FNDC3A: variants seen among roughly 807,000 people sequenced by gnomAD.
FNDC3A encodes the protein fibronectin type-III domain-containing protein 3A.
FNDC3A carries 32 observed loss-of-function variants against 148.9 expected under a neutral mutation model. The observed-to-expected ratio is 0.21, with a 90% CI of 0.16 to 0.29. FNDC3A has a LOEUF of 0.29. Ranked by LOEUF, FNDC3A falls within the 10% of genes least tolerant of loss-of-function variation. The probability of loss-of-function intolerance (pLI) is 1.00; values close to 1 mark genes in which losing one functional copy is unlikely to be tolerated. For synonymous variants in FNDC3A, 472 were observed against 473.6 expected, an observed-to-expected ratio of 1.00 and a Z score of 0.04; for missense variants, 1,191 against 1,452.8, an observed-to-expected ratio of 0.82 and a Z score of 2.93.
intron 1 of FNDC3A, among the ~76,000 whole-genome samples, chr13:48,981,083 A>G (rs898293254): frequency 1.3e-5 from 2 of 152,186 alleles, no homozygotes; most frequent in Non-Finnish European, 2.9e-5. Context: ...TTTGATTTAA[A>G]TAACAGCCTT....
chr13:49,013,285 A>G (rs758932305), intron 2 of FNDC3A, among the ~76,000 whole-genome samples: 1 of 152,176 alleles, frequency 6.6e-6, no homozygotes, highest in Non-Finnish European at 1.5e-5. Flanking sequence ...ACTGTGTTCC[A>G]GTCTGGGCAA....
At chr13:49,135,696 A>G (rs1882315757) in intron 5 of FNDC3A, among the ~76,000 whole-genome samples, 1 of 152,190 alleles carries the variant, frequency 6.6e-6, no homozygotes, top group Admixed American at 6.5e-5. Flanking sequence ...TCTGGGGACA[A>G]TTGAATTAAT....
At chr13:49,035,378 C>A (rs1392902385) in intron 2 of FNDC3A, among the ~76,000 whole-genome samples, 1 of 151,794 alleles carries the variant, frequency 6.6e-6, no homozygotes, top group Non-Finnish European at 1.5e-5. Context: ...TGGGATAATA[C>A]CTCATTATAT....
chr13:49,055,923 A>T (rs1423592157), intron 2 of FNDC3A, among the ~76,000 whole-genome samples: 1 of 152,130 alleles, frequency 6.6e-6, no homozygotes, highest in Non-Finnish European at 1.5e-5. Flanking sequence ...GTGGTGGCTC[A>T]CACCTGTAAT....
intron 3 of FNDC3A, among the ~76,000 whole-genome samples, chr13:49,102,264 C>T (rs1227921494): frequency 6.6e-6 from 1 of 151,842 alleles, no homozygotes; most frequent in African/African-American, 2.4e-5. Flanking sequence ...TCTTAAATCA[C>T]CTTAAATTGT....
intron 1 of FNDC3A, among the ~76,000 whole-genome samples, chr13:48,992,157 CT>C (rs1304090753): frequency 2.1e-4 from 32 of 152,130 alleles, no homozygotes; most frequent in African/African-American, 7.2e-4. Context: ...TTCAATACCC[CT>C]CTCAATGGAA....
At chr13:49,185,040 G>C (rs1885495785) in intron 14 of FNDC3A, among the ~76,000 whole-genome samples, 1 of 152,008 alleles carries the variant, frequency 6.6e-6, no homozygotes, top group Non-Finnish European at 1.5e-5. Flanking sequence ...CTTTTGACTT[G>C]AGCAACTAGG....
At position 49,155,205 on chromosome 13, in the gene FNDC3A, T is replaced by C. The variant is rs1330628968; in HGVS notation, c.977+9270T>C. Among the ~76,000 whole-genome samples, 40 of 152,116 alleles carry C rather than the reference T, an allele frequency of 2.6e-4. 1 individual carries two copies. Among genetic ancestry groups the C allele is most frequent in the Non-Finnish European group, 1.2e-4 (8 of 68,036 alleles). On this transcript the variant is annotated intron_variant, in intron 8 of 25. Transcript: ENST00000492622. ...TCGCCACAATTTCAGCTCCTGTTATTGGTCTATTCAGGGATTCACCTTCTT... is the reference window on the plus strand; with the variant it reads ...TCGCCACAATTTCAGCTCCTGTTATCGGTCTATTCAGGGATTCACCTTCTT...
chr13:49,017,697 C>T lies in FNDC3A; in HGVS notation c.99+11408C>T, dbSNP rs1221567180. Among the ~76,000 whole-genome samples, 30 of 151,994 alleles carry T rather than the reference C, an allele frequency of 2.0e-4. No homozygotes were observed. In the East Asian group the frequency reaches 3.5e-3, roughly 18 times the overall value. On this transcript the variant is annotated intron_variant, in intron 2 of 25. Coordinates refer to ENST00000492622, the MANE Select transcript of FNDC3A (RefSeq NM_001079673.2). ...AGTTCATGCAGTTTCTTCCTATTCT[C>T]GATGGTCTTTACATTTTGGCATGAT...
At chr13:49,006,735 A>T (rs1404256025) in intron 2 of FNDC3A, among the ~76,000 whole-genome samples, 1 of 151,890 alleles carries the variant, frequency 6.6e-6, no homozygotes, top group East Asian at 1.9e-4. Context: ...TTTTTTCCCC[A>T]GCCCAGGTCT....
At chr13:49,203,856 A>G (rs1886527675) in intron 25 of FNDC3A, among the ~76,000 whole-genome samples, 1 of 152,138 alleles carries the variant, frequency 6.6e-6, no homozygotes, top group Admixed American at 6.6e-5. Flanking sequence ...GGAAGAGTTG[A>G]TAAGGTCGGA....
intron 4 of FNDC3A, 39 bp downstream of exon 4, chr13:49,114,770 A>G (rs1364032642): frequency 7.8e-7 from 1 of 1,279,762 alleles, no homozygotes. Flanking sequence ...TATTTGTATA[A>G]TAGTGATAAT....
intron 3 of FNDC3A, among the ~76,000 whole-genome samples, chr13:49,105,666 C>T (rs941035620): frequency 1.3e-5 from 2 of 152,184 alleles, no homozygotes; most frequent in Non-Finnish European, 2.9e-5. Flanking sequence ...TCCCCAAATA[C>T]GCTTCATCCA....
intron 2 of FNDC3A, chr13:49,045,789 CCTTTT>C: frequency 4.0e-6 from 1 of 251,986 alleles, no homozygotes; most frequent in South Asian, 7.3e-5. Context: ...TAATGACAGT[CCTTTT>C]TTTTTTTTTT....
intron 1 of FNDC3A, among the ~76,000 whole-genome samples, chr13:48,993,130 G>A (rs760303797): frequency 6.6e-6 from 1 of 152,056 alleles, no homozygotes; most frequent in South Asian, 2.1e-4. Flanking sequence ...TCTGTTTCTC[G>A]TTGAAGGATA....
chr13:48,984,656 T>G (rs1461598610), intron 1 of FNDC3A, among the ~76,000 whole-genome samples: 2 of 152,134 alleles, frequency 1.3e-5, no homozygotes, highest in East Asian at 3.8e-4. Context: ...AAAACTAAGT[T>G]CCAGGTGGAC....
intron 11 of FNDC3A, 44 bp from the exon 12 acceptor site, chr13:49,174,391 T>C (rs1312246198): frequency 6.0e-6 from 9 of 1,509,832 alleles, no homozygotes; most frequent in Non-Finnish European, 8.2e-6. Flanking sequence ...TTTATCTTTT[T>C]ACAGTAATGT....
intron 4 of FNDC3A, among the ~76,000 whole-genome samples, chr13:49,117,901 A>G (rs1026275258): frequency 2.6e-5 from 4 of 152,346 alleles, no homozygotes; most frequent in Admixed American, 6.5e-5. Context: ...AGGTTCCTTA[A>G]GATAGGAACT....
chr13:49,012,811 G>GTGTGTGTGTGTGTC (rs1454143327), intron 2 of FNDC3A, among the ~76,000 whole-genome samples: 1 of 149,622 alleles, frequency 6.7e-6, no homozygotes, highest in African/African-American at 2.5e-5. Context: ...ATAAATGTGT[G>GTGTGTGTGTGTGTC]TGTGTGTGTG....
Sources: allele counts gnomAD v4.1 joint callset (sites outside exome capture counted in the v4.1 genomes callset), GRCh38; gene constraint gnomAD v4.1.1; transcripts MANE v1.5; gene names NCBI Gene and HGNC (gene_info 2026-07-23, HGNC 2026-07-21).